SSH1: variants seen among roughly 807,000 people sequenced by gnomAD.
SSH1 encodes the protein slingshot protein phosphatase 1, also known as protein phosphatase Slingshot homolog 1.
A neutral mutation model predicts 79.7 loss-of-function variants in SSH1; 43 were observed. The ratio of observed to expected loss-of-function variants is 0.54; its 90% CI spans 0.42 to 0.70. The LOEUF (loss-of-function observed/expected upper bound fraction) is 0.70. SSH1 is among the 30% of genes least tolerant of loss of function. SSH1 has a pLI of 0.00. For synonymous variants in SSH1, 599 were observed against 538.3 expected (o/e 1.11, Z -1.56); for missense variants, 1,206 against 1,358.8 (o/e 0.89, Z 1.77).
At chr12:108,845,500 C>A (rs1026923822) in intron 2 of SSH1, among the ~76,000 whole-genome samples, 4 of 152,080 alleles carry the variant, frequency 2.6e-5, no homozygotes, top group African/African-American at 9.7e-5. Flanking sequence ...CCAACCTGCC[C>A]GACATGATGA....
Position 108,788,993 on chromosome 12 carries a change from T to C in SSH1, c.2145A>G (p.Leu715=). 6.2e-7 allele frequency: 1 copy of C among 1,610,320 alleles called. No homozygotes were observed. The highest frequency in any genetic ancestry group is 8.5e-7 in the Non-Finnish European group (1 of 1,177,844). The change falls in exon 15 of 15, where the codon CTA becomes CTG. Residue 715 remains leucine, a synonymous_variant. Transcript: ENST00000326495. ...CTGCCCTCCTGGAGCCTGCTGGTGG[T>C]AGGAACGGGGGAGGTTCGGTTGGGC... is the stretch of plus-strand genomic sequence containing the variant. ...ASGPTEPPPF[L]PPAGSRRADT...
At chr12:108,811,620 CACATGTGTACTTGGGGGT>C (rs2037604532) in intron 5 of SSH1, 13 of 471,034 alleles carry the variant, frequency 2.8e-5, no homozygotes, top group South Asian at 2.6e-4. Flanking sequence ...TGGCGGAGGC[CACATGTGTACTTGGGGGT>C]ACATAGGCAA....
intron 2 of SSH1, among the ~76,000 whole-genome samples, chr12:108,847,072 T>A (rs1370001139): frequency 1.3e-5 from 2 of 151,712 alleles, no homozygotes; most frequent in Admixed American, 6.6e-5. Context: ...AATTTTTCTA[T>A]TTTTTTTGCG....
At chr12:108,816,904 GGC>G in intron 5 of SSH1, 132 bp downstream of exon 5, 1 of 1,361,442 alleles carries the variant, frequency 7.3e-7, no homozygotes, top group African/African-American at 1.4e-5. Context: ...TGTTCCCAGT[GGC>G]TCGACTCCCC....
At position 108,811,284 on chromosome 12, in the gene SSH1, G is replaced by A. The variant is rs780942735; in HGVS notation, c.446C>T (p.Thr149Met). ...IGMVLRLWSD[T>M]KIHLDGDGGF... is the part of the protein sequence containing the mutation. ...CCCATCTCCATCAAGGTGGATTTTC[G>A]TGTCGCTCCACAGTCGGAGAACCAT... The change falls in exon 6 of 15, where the codon ACG (threonine) becomes ATG (methionine). Residue 149 changes from threonine (T) to methionine (M), a missense_variant. This residue lies in a region of SSH1 where 115 missense variants were observed against 173.9 expected (regional missense o/e 0.66). Transcript: ENST00000326495. 1.2e-5 allele frequency: 19 copies of A among 1,614,050 alleles called. No individual in the cohort carries two copies. The highest frequency in any genetic ancestry group is 4.4e-5 in the South Asian group (4 of 91,094).
rs76266704 is a variant in SSH1 at position 108,854,654 on chromosome 12, G to A, written c.70-1976C>T. Among the ~76,000 whole-genome samples the A allele has an allele frequency of 7.3e-3, 1,116 of 152,234 alleles. 17 individuals are homozygous for A. Among genetic ancestry groups the A allele is most frequent in the African/African-American group, 0.025 (1,058 of 41,524 alleles). On this transcript the variant is annotated intron_variant, in intron 1 of 14. Transcript: ENST00000326495. ...TTGAAGAGTGATGACGTGACTTGGG[G>A]GTACGGACTTCACAATCATTTAACT...
chr12:108,824,507 T>A (rs752237378), intron 2 of SSH1, among the ~76,000 whole-genome samples: 3 of 152,048 alleles, frequency 2.0e-5, no homozygotes, highest in Admixed American at 2.0e-4. Context: ...GGATACTGAC[T>A]TGTGATTTAA....
chr12:108,836,855 G>A (rs2038643313), intron 2 of SSH1: 3 of 518,686 alleles, frequency 5.8e-6, no homozygotes, highest in Admixed American at 2.0e-5. Flanking sequence ...CCAAATACAC[G>A]TGCCCGGTGG....
intron 2 of SSH1, among the ~76,000 whole-genome samples, chr12:108,840,093 C>T (rs928894519): frequency 6.6e-6 from 1 of 152,248 alleles, no homozygotes; most frequent in East Asian, 1.9e-4. Context: ...TCTCTTGTAT[C>T]TCACTGCAAT....
rs980785770 is a variant in SSH1, at chr12:108,785,816, T to C, written c.*2172A>G. ...TTAAAAGATTATTTTGACACAAAAA[T>C]TGATCTACCACATGAAATTTGATTT... On this transcript the variant is annotated 3_prime_UTR_variant, in exon 15 of 15. Coordinates refer to ENST00000326495, the MANE Select transcript of SSH1 (RefSeq NM_018984.4). 5 of 152,220 alleles carry C rather than the reference T, an allele frequency of 3.3e-5. No individual in the cohort carries two copies. The highest frequency in any genetic ancestry group is 7.3e-5 in the Non-Finnish European group (5 of 68,036). 9.4% of individuals were successfully genotyped at this position (152,220 alleles called of 1,614,324 possible).
intron 5 of SSH1, among the ~76,000 whole-genome samples, chr12:108,813,541 T>A (rs895580031): frequency 6.6e-5 from 10 of 150,644 alleles, no homozygotes; most frequent in South Asian, 4.2e-4. Flanking sequence ...GTGATTTTTT[T>A]AAAAATTATA....
In SSH1 at chr12:108,792,279, T is replaced by C. The variant is rs113817253; in HGVS notation, c.1893+7A>G. ...GTGTGCCACCCTGCAGGCCGGGCTC[T>C]GCCTACCTCCATGCCGTTGGGACAG... is the stretch of plus-strand genomic sequence containing the variant. On this transcript the variant is annotated splice_region_variant and intron_variant, in intron 14 of 14. Coordinates refer to ENST00000326495, the MANE Select transcript of SSH1 (RefSeq NM_018984.4). 8.0e-5 allele frequency: 129 copies of C among 1,614,194 alleles called. No individual in the cohort carries two copies. In the African/African-American group the frequency reaches 1.3e-3, roughly 16 times the overall value.
intron 14 of SSH1, chr12:108,792,020 TG>T (rs1288302137): frequency 7.1e-7 from 1 of 1,407,586 alleles, no homozygotes; most frequent in Non-Finnish European, 9.3e-7. Context: ...GGGGTGAAGA[TG>T]GTGTGCAGAG....
intron 5 of SSH1, among the ~76,000 whole-genome samples, chr12:108,816,033 T>G (rs1873850209): frequency 6.6e-6 from 1 of 152,198 alleles, no homozygotes; most frequent in African/African-American, 2.4e-5. Context: ...GCTCCTCAAA[T>G]GCACCTTGCT....
intron 14 of SSH1, among the ~76,000 whole-genome samples, chr12:108,791,749 C>T (rs767454089): frequency 2.5e-4 from 38 of 152,106 alleles, no homozygotes; most frequent in Admixed American, 2.5e-3. Flanking sequence ...ACAGTGAGAA[C>T]TTGTCTATAG....
chr12:108,821,647 T>C (rs3916981), intron 3 of SSH1, among the ~76,000 whole-genome samples: 44,631 of 152,062 alleles, frequency 0.29, 6,766 homozygotes, highest in South Asian at 0.43. Context: ...GTTGGAGAAC[T>C]AGGATCAGAA....
chr12:108,838,659 A>C (rs1479950079), intron 2 of SSH1, among the ~76,000 whole-genome samples: 2 of 152,192 alleles, frequency 1.3e-5, no homozygotes, highest in Admixed American at 1.3e-4. Flanking sequence ...ACCCAGGGTA[A>C]TTGGTGGGAT....
chr12:108,799,694 C>T (rs779834116), intron 12 of SSH1, among the ~76,000 whole-genome samples: 1 of 152,068 alleles, frequency 6.6e-6, no homozygotes, highest in South Asian at 2.1e-4. Context: ...CTGGGGAGAG[C>T]GAGATGCTCT....
intron 1 of SSH1, among the ~76,000 whole-genome samples, chr12:108,855,177 A>G (rs2039119620): frequency 6.6e-6 from 1 of 152,260 alleles, no homozygotes; most frequent in South Asian, 2.1e-4. Context: ...AAGTACTGCC[A>G]CATGCTACAA....
Sources: gnomAD v4.1 joint callset for allele counts (sites outside exome capture counted in the v4.1 genomes callset) on GRCh38, gnomAD v4.1.1 for gene constraint, gnomAD v4.1.1 regional missense constraint, MANE v1.5 for transcripts, NCBI Gene and HGNC (gene_info 2026-07-23, HGNC 2026-07-21) for gene names.